The following PPM1E variants were observed in gnomAD, a reference collection of about 807,000 sequenced individuals.
The protein encoded by PPM1E is protein phosphatase, Mg2+/Mn2+ dependent 1E.
In PPM1E, 20 loss-of-function variants were observed where a neutral mutation model predicts 65.9. The ratio of observed to expected loss-of-function variants is 0.30; its 90% confidence interval spans 0.21 to 0.44. PPM1E has a LOEUF of 0.44. Among genes scored for constraint, PPM1E ranks in the 20% least tolerant of loss-of-function variants. PPM1E has a pLI of 1.00. For synonymous variants in PPM1E, 352 were observed against 374.9 expected (o/e 0.94, Z 0.70); for missense variants, 713 against 953.1 (o/e 0.75, Z 3.32).
intron 1 of PPM1E, among the ~76,000 whole-genome samples, chr17:58,914,214 C>T (rs572469823): frequency 6.6e-6 from 1 of 152,284 alleles, no homozygotes; most frequent in African/African-American, 2.4e-5. Flanking sequence ...TAACATCTTA[C>T]ATTATCATGG....
At chr17:58,941,726 C>T (rs1020279099) in intron 1 of PPM1E, among the ~76,000 whole-genome samples, 15 of 144,884 alleles carry the variant, frequency 1.0e-4, no homozygotes, top group African/African-American at 1.8e-4. Flanking sequence ...GGTCATAGGC[C>T]GGGCATGGTG....
At chr17:58,802,976 CAG>C (rs1031597087) in intron 1 of PPM1E, among the ~76,000 whole-genome samples, 4 of 152,202 alleles carry the variant, frequency 2.6e-5, no homozygotes, top group South Asian at 2.1e-4. Flanking sequence ...CATCTGCAAA[CAG>C]AGTCAATTTT....
intron 1 of PPM1E, 141 bp downstream of exon 1, chr17:58,756,602 C>T (rs913910597): frequency 9.4e-7 from 1 of 1,066,238 alleles, no homozygotes; most frequent in Admixed American, 4.4e-5. Flanking sequence ...GAAAGCGCCC[C>T]CGCTGCTCGG....
At chr17:58,929,310 T>C (rs1178482368) in intron 1 of PPM1E, among the ~76,000 whole-genome samples, 2 of 152,176 alleles carry the variant, frequency 1.3e-5, no homozygotes, top group East Asian at 3.9e-4. Flanking sequence ...GAGGATTGAC[T>C]GGAAAGGAGG....
intron 1 of PPM1E, among the ~76,000 whole-genome samples, chr17:58,802,175 T>C (rs183328114): frequency 1.9e-4 from 29 of 152,344 alleles, no homozygotes; most frequent in African/African-American, 6.7e-4. Flanking sequence ...GATCTTATGT[T>C]TAAGTTTTTC....
intron 1 of PPM1E, among the ~76,000 whole-genome samples, chr17:58,885,567 T>G (rs1376218484): frequency 2.0e-5 from 3 of 152,218 alleles, no homozygotes; most frequent in African/African-American, 7.2e-5. Flanking sequence ...ATTATTATTA[T>G]GAAGAGGATC....
chr17:58,848,515 C>CCTCAATT (rs1202391519), intron 1 of PPM1E, among the ~76,000 whole-genome samples: 1 of 152,174 alleles, frequency 6.6e-6, no homozygotes, highest in African/African-American at 2.4e-5. Context: ...GCTTTTTCTG[C>CCTCAATT]ATCTATTGAG....
chr17:58,966,118 T>C (rs2030219559), intron 3 of PPM1E: 1 of 566,644 alleles, frequency 1.8e-6, no homozygotes, highest in South Asian at 2.1e-5. Flanking sequence ...AAAATAAAAA[T>C]GTCTCTTATC....
chr17:58,760,261 C>G (rs926783784), intron 1 of PPM1E, among the ~76,000 whole-genome samples: 2 of 152,194 alleles, frequency 1.3e-5, no homozygotes, highest in African/African-American at 4.8e-5. Context: ...AACTCTATCT[C>G]CATCCTTTCT....
At chr17:58,939,529 G>C (rs1413684779) in intron 1 of PPM1E, among the ~76,000 whole-genome samples, 1 of 152,096 alleles carries the variant, frequency 6.6e-6, no homozygotes, top group Non-Finnish European at 1.5e-5. Flanking sequence ...ATAACATCAA[G>C]AAAGTCAGTA....
chr17:58,838,651 A>G (rs1173638848), intron 1 of PPM1E, among the ~76,000 whole-genome samples: 1 of 152,172 alleles, frequency 6.6e-6, no homozygotes, highest in Non-Finnish European at 1.5e-5. Flanking sequence ...ATGATCTAGC[A>G]ATTAATCGCA....
chr17:58,854,843 TAAA>T (rs957208021), intron 1 of PPM1E, among the ~76,000 whole-genome samples: 6 of 152,162 alleles, frequency 3.9e-5, no homozygotes, highest in African/African-American at 1.4e-4. Context: ...CCAAGTGAGA[TAAA>T]TTATTTAAAA....
chr17:58,869,131 T>C (rs2051040785), intron 1 of PPM1E, among the ~76,000 whole-genome samples: 2 of 152,268 alleles, frequency 1.3e-5, no homozygotes, highest in East Asian at 3.9e-4. Context: ...GATTGTGCCA[T>C]TGCACACCAG....
Position 58,767,884 on chromosome 17 carries a change from C to T in PPM1E, c.464+11423C>T, listed in dbSNP as rs144553257. Among the ~76,000 whole-genome samples, 643 of 151,508 alleles carry T rather than the reference C, an allele frequency of 4.2e-3. 1 individual carries two copies. The highest frequency in any genetic ancestry group is 5.6e-3 in the Non-Finnish European group (383 of 67,898). ...CTCGAACTCCCGACCTCAGGTGATC[C>T]GCCCACCTCGGCCTCCCAAAGTGCT... On this transcript the variant is annotated intron_variant, in intron 1 of 6. Coordinates refer to ENST00000308249, the MANE Select transcript of PPM1E (RefSeq NM_014906.5).
chr17:58,846,802 G>A (rs1430711138), intron 1 of PPM1E, among the ~76,000 whole-genome samples: 1 of 151,984 alleles, frequency 6.6e-6, no homozygotes, highest in Non-Finnish European at 1.5e-5. Flanking sequence ...GGAATTGCTG[G>A]GTCAGATGGT....
At chr17:58,797,927 T>C (rs1029608839) in intron 1 of PPM1E, among the ~76,000 whole-genome samples, 1 of 152,232 alleles carries the variant, frequency 6.6e-6, no homozygotes, top group Non-Finnish European at 1.5e-5. Flanking sequence ...GTGACACTTG[T>C]GTATTGAGGA....
At chr17:58,836,856 C>T (rs1417097527) in intron 1 of PPM1E, among the ~76,000 whole-genome samples, 5 of 148,738 alleles carry the variant, frequency 3.4e-5, no homozygotes, top group African/African-American at 4.9e-5. Context: ...CCCGTCTCTA[C>T]TAAAAATACA....
chr17:58,960,503 G>A (rs144171993), intron 2 of PPM1E, among the ~76,000 whole-genome samples: 8 of 152,204 alleles, frequency 5.3e-5, no homozygotes, highest in African/African-American at 1.2e-4. Context: ...TGGCCAGCAC[G>A]GTGGCTCATG....
intron 1 of PPM1E, among the ~76,000 whole-genome samples, chr17:58,759,798 G>A (rs371993781): frequency 1.4e-4 from 21 of 152,178 alleles, no homozygotes; most frequent in African/African-American, 4.3e-4. Context: ...AAAGAAAATC[G>A]CTGGTTATAG....
Sources: gnomAD v4.1 joint callset for allele counts (sites outside exome capture counted in the v4.1 genomes callset) on GRCh38, gnomAD v4.1.1 for gene constraint, MANE v1.5 for transcripts, NCBI Gene and HGNC (gene_info 2026-07-23, HGNC 2026-07-21) for gene names.